The following NRDC variants were observed in gnomAD, a reference collection of about 807,000 sequenced individuals.
The protein encoded by NRDC is nardilysin convertase.
In NRDC, 54 loss-of-function variants were observed where a neutral mutation model predicts 147.1. The ratio of observed to expected loss-of-function variants is 0.37; its 90% confidence interval spans 0.29 to 0.46. NRDC has a LOEUF of 0.46. NRDC is among the 20% of genes least tolerant of loss of function. The probability of loss-of-function intolerance (pLI) is 1.00; values close to 1 mark genes in which losing one functional copy is unlikely to be tolerated. For missense variants in NRDC, 1,082 were observed against 1,370.6 expected (o/e 0.79, Z 3.33); for synonymous variants, 440 against 482.1 (o/e 0.91, Z 1.14).
intron 1 of NRDC, among the ~76,000 whole-genome samples, chr1:51,857,052 C>T (rs897405452): frequency 6.6e-6 from 1 of 152,174 alleles, no homozygotes; most frequent in African/African-American, 2.4e-5. Flanking sequence ...ATGGGAGTTA[C>T]AAGACAGGAA....
intron 1 of NRDC, among the ~76,000 whole-genome samples, chr1:51,845,321 A>G (rs558204188): frequency 1.3e-5 from 2 of 152,082 alleles, no homozygotes; most frequent in Non-Finnish European, 2.9e-5. Flanking sequence ...GCCCGGCCGC[A>G]GTGGCTCACA....
chr1:51,850,667 T>C (rs1338492515), intron 1 of NRDC, among the ~76,000 whole-genome samples: 3 of 152,186 alleles, frequency 2.0e-5, no homozygotes, highest in Non-Finnish European at 2.9e-5. Flanking sequence ...TCAACATCTG[T>C]CACTTCAGTT....
rs776408399 is a variant in NRDC at position 51,811,987 on chromosome 1, T to C, written c.1779+7A>G. Reference sequence around the variant, plus strand: ...AAAGTAAGTTTTAGACGTATAAACCTCCTTACTTCTGGCTTGTATTCAAAA... The same window carrying C: ...AAAGTAAGTTTTAGACGTATAAACCCCCTTACTTCTGGCTTGTATTCAAAA... On this transcript the variant is annotated splice_region_variant and intron_variant, in intron 15 of 30. Coordinates refer to ENST00000352171, the MANE Select transcript of NRDC (RefSeq NM_001101662.2). 1.3e-6 allele frequency: 2 copies of C among 1,594,474 alleles called. No homozygotes were observed. Among genetic ancestry groups the C allele is most frequent in the African/African-American group, 2.7e-5 (2 of 74,538 alleles).
intron 1 of NRDC, among the ~76,000 whole-genome samples, chr1:51,877,212 G>C (rs1003619935): frequency 6.6e-6 from 1 of 151,998 alleles, no homozygotes; most frequent in Non-Finnish European, 1.5e-5. Flanking sequence ...ATCAGCAAAT[G>C]ATACACTGAA....
intron 27 of NRDC, 100 bp from the exon 28 acceptor site, chr1:51,791,090 T>C (rs1277482039): frequency 3.8e-6 from 3 of 792,586 alleles, no homozygotes; most frequent in Non-Finnish European, 6.3e-6. Context: ...GAATTAAGAC[T>C]AAGACATATA....
intron 1 of NRDC, among the ~76,000 whole-genome samples, chr1:51,843,404 C>T (rs993131951): frequency 3.3e-5 from 5 of 151,738 alleles, no homozygotes; most frequent in East Asian, 1.9e-4. Flanking sequence ...GGTCTGGATA[C>T]GACACCAAAG....
intron 1 of NRDC, 69 bp downstream of exon 1, chr1:51,878,206 A>G: frequency 6.6e-7 from 1 of 1,512,314 alleles, no homozygotes; most frequent in Admixed American, 1.9e-5. Context: ...TGGAGACAAG[A>G]AGTGACGGCG....
chr1:51,863,656 A>AT (rs1443963234), intron 1 of NRDC, among the ~76,000 whole-genome samples: 1 of 152,208 alleles, frequency 6.6e-6, no homozygotes, highest in Non-Finnish European at 1.5e-5. Flanking sequence ...AGAAACTTCC[A>AT]TATTTCAAAG....
At chr1:51,846,658 A>T (rs1681623917) in intron 1 of NRDC, among the ~76,000 whole-genome samples, 1 of 152,196 alleles carries the variant, frequency 6.6e-6, no homozygotes, top group Admixed American at 6.5e-5. Flanking sequence ...TGAGTGTTAT[A>T]GCTCATAAAG....
In NRDC at chr1:51,794,778, G is replaced by A. The variant is rs758758516; in HGVS notation, c.2636+45C>T. On this transcript the variant is annotated intron_variant, in intron 23 of 30. Coordinates refer to ENST00000352171, the MANE Select transcript of NRDC (RefSeq NM_001101662.2). ...CTGAATTGTGGCTCCATGCCCTCTCGCTGGTAAGAACACATAACCCCAAAG... is the reference window on the plus strand; with the variant it reads ...CTGAATTGTGGCTCCATGCCCTCTCACTGGTAAGAACACATAACCCCAAAG... The A allele has an allele frequency of 2.2e-5, 35 of 1,608,494 alleles. No individual in the cohort carries two copies. In the East Asian group the frequency reaches 3.3e-4, roughly 15 times the overall value.
intron 1 of NRDC, among the ~76,000 whole-genome samples, chr1:51,854,192 ACT>A (rs1176207300): frequency 2.0e-5 from 3 of 152,068 alleles, no homozygotes; most frequent in Admixed American, 1.3e-4. Flanking sequence ...ATATGAGGAA[ACT>A]CTGTCTCTAC....
In NRDC at chr1:51,867,399, G is replaced by C. The variant is rs182836967; in HGVS notation, c.341+10876C>G. ...GTAAATTTATGTCAAATGACAATAA[G>C]TGCTATAAAAAAAAAGAGTAAGAAA... On this transcript the variant is annotated intron_variant, in intron 1 of 30. Transcript: ENST00000352171. Among the ~76,000 whole-genome samples, 384 of 152,028 alleles carry C rather than the reference G, an allele frequency of 2.5e-3. 3 individuals are homozygous for C. The highest frequency in any genetic ancestry group is 3.0e-3 in the Non-Finnish European group (202 of 67,976).
In NRDC at chr1:51,816,060, T is replaced by G. The variant is rs1679954567; in HGVS notation, c.1439+252A>C. On this transcript the variant is annotated intron_variant, in intron 11 of 30. Transcript: ENST00000352171. Reference sequence around the variant, plus strand: ...TATGTAATTCTGGAATCTATTAATTTCATTTATGATTTTTTAAAATTTTGT... The same window carrying G: ...TATGTAATTCTGGAATCTATTAATTGCATTTATGATTTTTTAAAATTTTGT... 4 of 211,822 alleles carry G rather than the reference T, an allele frequency of 1.9e-5. No homozygotes were observed. The East Asian group carries it at 4.1e-4, about 22-fold the overall frequency. 13.1% of individuals were successfully genotyped at this position (211,822 alleles called of 1,614,324 possible).
chr1:51,875,094 T>C (rs557060063), intron 1 of NRDC, among the ~76,000 whole-genome samples: 21 of 152,232 alleles, frequency 1.4e-4, no homozygotes, highest in Non-Finnish European at 2.9e-4. Flanking sequence ...TCTGGAAGGA[T>C]AATTCAGCTC....
intron 1 of NRDC, among the ~76,000 whole-genome samples, chr1:51,844,426 A>G (rs1681431425): frequency 6.6e-6 from 1 of 152,056 alleles, no homozygotes; most frequent in African/African-American, 2.4e-5. Context: ...ATGTGTGCAC[A>G]CAGAGAAAAG....
intron 22 of NRDC, among the ~76,000 whole-genome samples, chr1:51,796,026 T>C (rs1678885855): frequency 6.6e-6 from 1 of 151,976 alleles, no homozygotes; most frequent in Non-Finnish European, 1.5e-5. Context: ...ATTACAGGTG[T>C]GCATTGCTAC....
chr1:51,859,368 T>A (rs970186109), intron 1 of NRDC, among the ~76,000 whole-genome samples: 1 of 152,244 alleles, frequency 6.6e-6, no homozygotes, highest in African/African-American at 2.4e-5. Flanking sequence ...ATTTGATACT[T>A]GCTTGCTTGT....
intron 2 of NRDC, among the ~76,000 whole-genome samples, chr1:51,838,018 C>T (rs77958049): frequency 0.029 from 4,432 of 152,206 alleles, 103 homozygotes; most frequent in South Asian, 0.1. Flanking sequence ...ACTTTATTTC[C>T]TTTTTTCAGA....
At chr1:51,810,992 C>T (rs560724261) in intron 15 of NRDC, among the ~76,000 whole-genome samples, 2 of 152,308 alleles carry the variant, frequency 1.3e-5, no homozygotes, top group Admixed American at 1.3e-4. Flanking sequence ...ATAGGGCCTC[C>T]TTCAGTAATC....
Sources: gnomAD v4.1 joint callset for allele counts (sites outside exome capture counted in the v4.1 genomes callset) on GRCh38, gnomAD v4.1.1 for gene constraint, MANE v1.5 for transcripts, NCBI Gene and HGNC (gene_info 2026-07-23, HGNC 2026-07-21) for gene names.